Variants in URB1 observed in about 807,000 individuals in gnomAD.
The protein encoded by URB1 is nucleolar pre-ribosomal-associated protein 1.
In URB1, 197 loss-of-function variants were observed where a neutral mutation model predicts 242.3. The ratio of observed to expected loss-of-function variants is 0.81; its 90% CI spans 0.72 to 0.91. The LOEUF (loss-of-function observed/expected upper bound fraction) is 0.91, where lower values mean the gene tolerates loss of function less well. Ranked by LOEUF, URB1 falls within the 40% of genes least tolerant of loss-of-function variation. The pLI is 0.00. For synonymous variants in URB1, 1,153 were observed against 1,201.8 expected, an observed-to-expected ratio of 0.96 and a Z score of 0.84; for missense variants, 2,721 against 2,860.5, an observed-to-expected ratio of 0.95 and a Z score of 1.11.
chr21:32,337,384 C>G lies in URB1; in HGVS notation c.4621+20G>C. On this transcript the variant is annotated intron_variant, in intron 27 of 38. Transcript: ENST00000382751. ...TCACTCCCTCCCCCTGCTCACACTA[C>G]CCAGCCCTCACACCCTCACCTAGGA... 1 of 1,545,212 alleles carries G rather than the reference C, an allele frequency of 6.5e-7. No homozygotes were observed. The highest frequency in any genetic ancestry group is 8.8e-7 in the Non-Finnish European group (1 of 1,142,148).
chr21:32,371,417 T>C (rs1210146675), intron 8 of URB1, among the ~76,000 whole-genome samples: 1 of 152,214 alleles, frequency 6.6e-6, no homozygotes, highest in Non-Finnish European at 1.5e-5. Flanking sequence ...GAACAATGCA[T>C]GTGTTTTAAG....
Position 32,315,009 on chromosome 21 carries a change from A to G in URB1, c.6725T>C (p.Val2242Ala). 6.4e-7 allele frequency: 1 copy of G among 1,551,536 alleles called. No individual in the cohort carries two copies. The highest frequency in any genetic ancestry group is 8.7e-7 in the Non-Finnish European group (1 of 1,146,960). ...PDTLLTHVRM[V>A]CEAADDAPSS... Reference sequence around the variant, plus strand: ...CGGGGCATCATCTGCGGCCTCACACACCATCCGGACGTGGGTTAAGAGGGT... The same window carrying G: ...CGGGGCATCATCTGCGGCCTCACACGCCATCCGGACGTGGGTTAAGAGGGT... The change falls in exon 39 of 39, where the codon GTG (valine) becomes GCG (alanine). Residue 2242 changes from valine to alanine, a missense_variant. Coordinates refer to ENST00000382751, the MANE Select transcript of URB1 (RefSeq NM_014825.3).
At position 32,347,355 on chromosome 21, in the gene URB1, G is replaced by A. The variant is rs2033102484; in HGVS notation, c.3469C>T (p.Leu1157=). The part of the protein sequence containing the change: ...ERHLNALGKT[L]VQLLTCSPQD... ...GGGCTGCAGGTCAGCAGCTGCACCA[G>A]GGTCTTTCCAAGAGCATTCAGGTGT... The change falls in exon 22 of 39, where the codon CTG becomes TTG. Residue 1157 remains leucine, a synonymous_variant. Transcript: ENST00000382751. The A allele has an allele frequency of 1.3e-6, 2 of 1,551,374 alleles. No homozygotes were observed. The highest frequency in any genetic ancestry group is 1.7e-6 in the Non-Finnish European group (2 of 1,146,980).
At chr21:32,385,007 AAAAGAAAGAAAG>A (rs56918578) in intron 2 of URB1, among the ~76,000 whole-genome samples, 12 of 150,916 alleles carry the variant, frequency 8.0e-5, no homozygotes, top group Admixed American at 3.3e-4. Flanking sequence ...AAAAGAAAAG[AAAAGAAAGAAAG>A]AAAGAAAGAA....
chr21:32,392,940 G>A lies in URB1; in HGVS notation c.-30C>T, dbSNP rs779558462. On this transcript the variant is annotated 5_prime_UTR_variant, in exon 1 of 39. Transcript: ENST00000382751. ...GAGAGGGCGGAAGCGCGACGGAAACGACACACCTGAGGGGACCCGGCAGGA... is the reference window on the plus strand; with the variant it reads ...GAGAGGGCGGAAGCGCGACGGAAACAACACACCTGAGGGGACCCGGCAGGA... The A allele has an allele frequency of 2.7e-6, 4 of 1,489,356 alleles. No homozygotes were observed. The highest frequency in any genetic ancestry group is 2.5e-5 in the South Asian group (2 of 78,436). 92.3% of individuals were successfully genotyped at this position (1,489,356 alleles called of 1,614,324 possible). A position where few individuals can be genotyped will look rare whatever the true frequency, so the allele number is the denominator to read the frequency against.
chr21:32,350,157 G>GT (rs1411103174), intron 20 of URB1, among the ~76,000 whole-genome samples: 1 of 151,512 alleles, frequency 6.6e-6, no homozygotes, highest in African/African-American at 2.4e-5. Flanking sequence ...GGAGGGCTGG[G>GT]TGCGGTGGCT....
intron 1 of URB1, among the ~76,000 whole-genome samples, chr21:32,390,566 G>A (rs145051383): frequency 0.025 from 3,790 of 152,010 alleles, 161 homozygotes; most frequent in African/African-American, 0.086. Flanking sequence ...CTCCCATTCT[G>A]TAGGTCGCCT....
chr21:32,314,502 A>G lies in URB1; in HGVS notation c.*416T>C, dbSNP rs993235981. 8.5e-6 allele frequency: 13 copies of G among 1,535,200 alleles called. No individual in the cohort carries two copies. The Admixed American group carries it at 1.3e-4, about 16-fold the overall frequency. ...ACCTGCTGAAAAATAAACTTTAAACATCTCTCTTCGTTTTCATAAAAAAAA... is the reference window on the plus strand; with the variant it reads ...ACCTGCTGAAAAATAAACTTTAAACGTCTCTCTTCGTTTTCATAAAAAAAA... On this transcript the variant is annotated 3_prime_UTR_variant, in exon 39 of 39. Coordinates refer to ENST00000382751, the MANE Select transcript of URB1 (RefSeq NM_014825.3).
intron 9 of URB1, among the ~76,000 whole-genome samples, chr21:32,367,891 A>T (rs1406553577): frequency 6.6e-6 from 1 of 152,240 alleles, no homozygotes; most frequent in African/African-American, 2.4e-5. Context: ...GGCTCAAAAG[A>T]TTCTAAATAA....
At chr21:32,356,364 C>A (rs540379488) in intron 15 of URB1, among the ~76,000 whole-genome samples, 1 of 152,204 alleles carries the variant, frequency 6.6e-6, no homozygotes, top group African/African-American at 2.4e-5. Context: ...TGCACAGCAG[C>A]GTGGATGACA....
intron 5 of URB1, chr21:32,377,254 A>C (rs1435426176): frequency 5.8e-6 from 3 of 518,762 alleles, no homozygotes; most frequent in Non-Finnish European, 7.7e-6. Context: ...TCAGGGCTAC[A>C]GTTTGCTCTG....
At chr21:32,360,571 GTTACTT>G (rs1223474813) in intron 13 of URB1, among the ~76,000 whole-genome samples, 2 of 152,162 alleles carry the variant, frequency 1.3e-5, no homozygotes, top group East Asian at 1.9e-4. Context: ...GACAAGCATT[GTTACTT>G]TTACAAGTTT....
chr21:32,330,550 A>G (rs138281873), intron 30 of URB1, among the ~76,000 whole-genome samples: 2 of 151,490 alleles, frequency 1.3e-5, no homozygotes, highest in South Asian at 2.1e-4. Context: ...TGATTTTGCT[A>G]TTAAACTTTT....
At position 32,359,892 on chromosome 21, in the gene URB1, C is replaced by G. The variant is rs1167346822; in HGVS notation, c.1773G>C (p.Gln591His). 6.5e-7 allele frequency: 1 copy of G among 1,548,680 alleles called. No individual in the cohort carries two copies. Among genetic ancestry groups the G allele is most frequent in the Non-Finnish European group, 8.7e-7 (1 of 1,145,866 alleles). Residue 591 changes from glutamine to histidine, a missense_variant, in exon 14 of 39, where the codon CAG becomes CAC. Coordinates refer to ENST00000382751, the MANE Select transcript of URB1 (RefSeq NM_014825.3). ...TGGGAGGCACCTCCTCTCGAAGGCC[C>G]TGCTCAGAGATGACACCTATGGGTG... ...SKLLKGVISE[Q>H]GLREEVPPIL...
At position 32,375,399 on chromosome 21, in the gene URB1, T is replaced by C. The variant is rs2033448000; in HGVS notation, c.749A>G (p.Lys250Arg). ...AAACGCGGATCACCAAGCACATACC[T>C]TTGTTTTCAGTGTGGATAATAAAAT... is the stretch of plus-strand genomic sequence containing the variant. ...INILLSTLKT[K>R]VVHNKNITKT... Residue 250 changes from lysine to arginine, a missense_variant and splice_region_variant, in exon 6 of 39, where the codon AAG becomes AGG. Lys to Arg is a conservative substitution (Grantham distance 26, BLOSUM62 2). Transcript: ENST00000382751. 2.6e-6 allele frequency: 4 copies of C among 1,520,258 alleles called. No individual in the cohort carries two copies. The African/African-American group carries it at 4.2e-5, about 16-fold the overall frequency. 94.2% of individuals were successfully genotyped at this position (1,520,258 alleles called of 1,614,324 possible). A position where few individuals can be genotyped will look rare whatever the true frequency, so the allele number is the denominator to read the frequency against.
Position 32,384,437 on chromosome 21 carries a change from C to A in URB1, c.310G>T (p.Ala104Ser). The change falls in exon 3 of 39, where the codon GCC becomes TCC. Residue 104 changes from alanine to serine, a missense_variant. By Grantham distance (99) the Ala-to-Ser change is moderately conservative (BLOSUM62 1). Transcript: ENST00000382751. ...TCACTTGCTGTCCGCAATAATATGGCCTCGAAAACTTGAAATATTAACATC... is the reference window on the plus strand; with the variant it reads ...TCACTTGCTGTCCGCAATAATATGGACTCGAAAACTTGAAATATTAACATC... ...ETMLIFQVFE[A>S]ILLRTASDLS... 1.9e-6 allele frequency: 3 copies of A among 1,551,470 alleles called. No individual in the cohort carries two copies. The highest frequency in any genetic ancestry group is 1.7e-6 in the Non-Finnish European group (2 of 1,146,666).
At chr21:32,381,528 G>A (rs1390612780) in intron 4 of URB1, among the ~76,000 whole-genome samples, 1 of 150,374 alleles carries the variant, frequency 6.7e-6, no homozygotes, top group African/African-American at 2.4e-5. Context: ...AGACGCAAAA[G>A]GGATCAAAGA....
Position 32,312,256 on chromosome 21 carries a change from T to C in URB1, c.*2662A>G. The C allele has an allele frequency of 7.1e-7, 1 of 1,410,062 alleles. No homozygotes were observed. Among genetic ancestry groups the C allele is most frequent in the Non-Finnish European group, 9.2e-7 (1 of 1,084,358 alleles). The allele number at this position is 1,410,062 out of a possible 1,614,324, so 87.3% of individuals were successfully genotyped here. A position where few individuals can be genotyped will look rare whatever the true frequency, so the allele number is the denominator to read the frequency against. On this transcript the variant is annotated 3_prime_UTR_variant, in exon 39 of 39. Coordinates refer to ENST00000382751, the MANE Select transcript of URB1 (RefSeq NM_014825.3). ...CTGCTTATATTTGCTCAGGGAAGAG[T>C]AGGAAAATAAAATATATGCAAATCA...
intron 1 of URB1, 134 bp from the exon 2 acceptor site, chr21:32,385,818 T>G: frequency 8.2e-7 from 1 of 1,216,292 alleles, no homozygotes; most frequent in Non-Finnish European, 1.1e-6. Flanking sequence ...CTACTATGAA[T>G]GCTATCAACT....
Sources: allele counts gnomAD v4.1 joint callset (sites outside exome capture counted in the v4.1 genomes callset), GRCh38; gene constraint gnomAD v4.1.1; transcripts MANE v1.5; gene names NCBI Gene and HGNC (gene_info 2026-07-23, HGNC 2026-07-21).